Variants in SLCO1C1 observed in about 807,000 individuals in gnomAD.
SLCO1C1 encodes the protein solute carrier organic anion transporter family member 1C1.
Under a neutral mutation model 76.4 loss-of-function variants are expected in SLCO1C1, and 70 were observed. The observed-to-expected ratio is 0.92, with a 90% CI of 0.76 to 1.12. The LOEUF is 1.12. Among genes scored for constraint, SLCO1C1 ranks in the 50% most tolerant of loss-of-function variants. SLCO1C1 has a pLI of 0.00. For synonymous variants in SLCO1C1, 306 were observed against 286.1 expected, an observed-to-expected ratio of 1.07 and a Z score of -0.70; for missense variants, 912 against 823.8, an observed-to-expected ratio of 1.11 and a Z score of -1.31.
intron 12 of SLCO1C1, among the ~76,000 whole-genome samples, chr12:20,742,517 A>G (rs192751240): frequency 2.2e-3 from 333 of 151,732 alleles, no homozygotes; most frequent in Non-Finnish European, 3.7e-3. Flanking sequence ...GTGTTTTTGC[A>G]CTTTTCTGAT....
chr12:20,742,159 T>C (rs1482508874), intron 12 of SLCO1C1, among the ~76,000 whole-genome samples: 6 of 152,166 alleles, frequency 3.9e-5, no homozygotes, highest in East Asian at 1.9e-4. Flanking sequence ...TGGCAAAACA[T>C]TGACCTAGAC....
chr12:20,743,037 T>A (rs1041810857), intron 12 of SLCO1C1, among the ~76,000 whole-genome samples: 1 of 152,190 alleles, frequency 6.6e-6, no homozygotes, highest in African/African-American at 2.4e-5. Flanking sequence ...GGTAATTAAA[T>A]TTGACTTTAC....
At chr12:20,719,456 C>T (rs999972479) in intron 7 of SLCO1C1, among the ~76,000 whole-genome samples, 1 of 152,078 alleles carries the variant, frequency 6.6e-6, no homozygotes, top group East Asian at 1.9e-4. Context: ...ATGTTGAATG[C>T]CAAGACAGGC....
intron 2 of SLCO1C1, 121 bp downstream of exon 2, chr12:20,699,826 G>A (rs1946435947): frequency 1.7e-6 from 2 of 1,174,788 alleles, no homozygotes; most frequent in East Asian, 2.9e-5. Context: ...GATCTTAGAT[G>A]CAATTTACTA....
chr12:20,740,818 T>TATA (rs1565541864), intron 12 of SLCO1C1, among the ~76,000 whole-genome samples: 1 of 124,952 alleles, frequency 8.0e-6, no homozygotes, highest in African/African-American at 2.9e-5. Flanking sequence ...TATATATATA[T>TATA]GGCTTTATCT....
intron 6 of SLCO1C1, 34 bp from the exon 7 acceptor site, chr12:20,717,097 AG>A: frequency 2.0e-6 from 3 of 1,464,008 alleles, no homozygotes. Context: ...AAGAAATGAC[AG>A]CTTTTTTTTT....
chr12:20,730,819 G>C (rs1414474160), intron 9 of SLCO1C1, among the ~76,000 whole-genome samples: 3 of 152,076 alleles, frequency 2.0e-5, no homozygotes, highest in Non-Finnish European at 4.4e-5. Context: ...ATTTTGCGGG[G>C]GTCTGTCCTG....
chr12:20,723,345 T>C, intron 9 of SLCO1C1, 91 bp downstream of exon 9: 7 of 1,458,416 alleles, frequency 4.8e-6, no homozygotes, highest in Non-Finnish European at 6.5e-6. Context: ...TCTTCCAAGA[T>C]TTAGGTAATT....
At chr12:20,696,314 T>A (rs1946263180) in intron 1 of SLCO1C1, among the ~76,000 whole-genome samples, 1 of 151,334 alleles carries the variant, frequency 6.6e-6, no homozygotes, top group Non-Finnish European at 1.5e-5. Context: ...AGGACAGAGG[T>A]TTTCCTCACA....
intron 9 of SLCO1C1, among the ~76,000 whole-genome samples, chr12:20,724,411 G>GTA (rs1168220832): frequency 1.1e-5 from 1 of 88,220 alleles, no homozygotes; most frequent in African/African-American, 4.8e-5. Context: ...GTGTGTGTGT[G>GTA]TATATATATA....
chr12:20,736,253 G>A (rs1223781863), intron 10 of SLCO1C1, among the ~76,000 whole-genome samples: 13 of 128,768 alleles, frequency 1.0e-4, no homozygotes, highest in Admixed American at 1.8e-4. Context: ...ATATAAAAGC[G>A]AATGGCAGAG....
chr12:20,719,713 C>T (rs1328683775), intron 7 of SLCO1C1, among the ~76,000 whole-genome samples: 1 of 152,172 alleles, frequency 6.6e-6, no homozygotes, highest in Non-Finnish European at 1.5e-5. Flanking sequence ...GATGAGGAAG[C>T]TGCAGAAGAA....
At chr12:20,724,629 A>T (rs991756581) in intron 9 of SLCO1C1, among the ~76,000 whole-genome samples, 11 of 148,366 alleles carry the variant, frequency 7.4e-5, no homozygotes, top group African/African-American at 2.7e-4. Flanking sequence ...ATATAAATTA[A>T]ATAGTATATT....
In SLCO1C1 at chr12:20,733,008, T is replaced by A; in HGVS notation, c.1286T>A (p.Leu429Ter). The change falls in exon 10 of 15, where the codon TTG becomes TAG. Residue 429 changes from leucine to a stop codon, truncating the protein, a stop_gained. Transcript: ENST00000266509. LOFTEE classifies it high-confidence loss of function. Reference protein sequence around the residue: ...ISVCGAAKLYLGSSVFGYLLF... With the variant: ...ISVCGAAKLY ...GTGTGTGGAGCTGCAAAACTCTACT[T>A]GGGATCATCTGTCTTTGGTTACCTC... The A allele has an allele frequency of 6.2e-7, 1 of 1,613,828 alleles. No individual in the cohort carries two copies. The highest frequency in any genetic ancestry group is 8.5e-7 in the Non-Finnish European group (1 of 1,179,884).
At chr12:20,737,031 G>A in intron 10 of SLCO1C1, 76 bp from the exon 11 acceptor site, 1 of 1,293,264 alleles carries the variant, frequency 7.7e-7, no homozygotes, top group Non-Finnish European at 1.0e-6. Flanking sequence ...TATCACTCAA[G>A]AACATTGATT....
chr12:20,712,336 G>A (rs560480114), intron 5 of SLCO1C1, among the ~76,000 whole-genome samples: 9 of 152,170 alleles, frequency 5.9e-5, no homozygotes, highest in Admixed American at 5.2e-4. Flanking sequence ...AGTCCTATGA[G>A]TCAAAGGCAG....
At chr12:20,703,953 GTC>G (rs764493571) in intron 3 of SLCO1C1, among the ~76,000 whole-genome samples, 21 of 122,298 alleles carry the variant, frequency 1.7e-4, no homozygotes, top group Middle Eastern at 4.1e-3. Flanking sequence ...TCTCGAGTGT[GTC>G]TGTGTGTGTG....
chr12:20,706,369 A>G (rs923135141), intron 4 of SLCO1C1, among the ~76,000 whole-genome samples: 2 of 152,172 alleles, frequency 1.3e-5, no homozygotes, highest in African/African-American at 4.8e-5. Flanking sequence ...GGCAAAATAT[A>G]TAATTGAAAA....
chr12:20,740,427 G>A (rs1948750644), intron 12 of SLCO1C1, 59 bp downstream of exon 12: 28 of 1,481,542 alleles, frequency 1.9e-5, no homozygotes, highest in Non-Finnish European at 2.4e-5. Context: ...CTCGAGCAAT[G>A]ATTTAAATTT....
Sources: allele counts gnomAD v4.1 joint callset (sites outside exome capture counted in the v4.1 genomes callset), GRCh38; gene constraint gnomAD v4.1.1; transcripts MANE v1.5; gene names NCBI Gene and HGNC (gene_info 2026-07-23, HGNC 2026-07-21).